Variants in RUNDC3B observed in about 807,000 individuals in gnomAD.
RUNDC3B encodes the protein RUN domain-containing protein 3B.
A neutral mutation model predicts 58.4 loss-of-function variants in RUNDC3B; 33 were observed. The ratio of observed to expected loss-of-function variants is 0.56; its 90% CI spans 0.43 to 0.75. RUNDC3B has a LOEUF of 0.75. Ranked by LOEUF, RUNDC3B falls within the 30% of genes least tolerant of loss-of-function variation. The probability of loss-of-function intolerance (pLI) is 0.00; values close to 1 mark genes in which losing one functional copy is unlikely to be tolerated. For synonymous variants in RUNDC3B, 193 were observed against 195.2 expected (o/e 0.99, Z 0.10); for missense variants, 501 against 535.7 (o/e 0.94, Z 0.64).
chr7:87,814,626 G>C (rs549308308), intron 9 of RUNDC3B, among the ~76,000 whole-genome samples: 34 of 152,194 alleles, frequency 2.2e-4, no homozygotes, highest in Non-Finnish European at 4.7e-4. Flanking sequence ...ATGTAGACAA[G>C]TGCCCAACAT....
chr7:87,755,608 T>C (rs1488161695), intron 6 of RUNDC3B, among the ~76,000 whole-genome samples: 6 of 152,068 alleles, frequency 3.9e-5, no homozygotes, highest in African/African-American at 2.4e-5. Context: ...TAAACATAAA[T>C]AAAGACAAAA....
At position 87,628,587 on chromosome 7, in the gene RUNDC3B, GT is replaced by G; in HGVS notation, c.-236del. 3.3e-4 allele frequency: 4 copies of G among 12,218 alleles called. No homozygotes were observed. The highest frequency in any genetic ancestry group is 1.9e-3 in the East Asian group (1 of 528). The allele number at this position is 12,218 out of a possible 1,614,324, so 0.8% of individuals were successfully genotyped here. A position where few individuals can be genotyped will look rare whatever the true frequency, so the allele number is the denominator to read the frequency against. On this transcript the variant is annotated 5_prime_UTR_variant, in exon 1 of 11. Coordinates refer to ENST00000394654, the MANE Select transcript of RUNDC3B (RefSeq NM_001134405.2). ...GGGCGGAGGTGGTGCGTGCGTGCGTGTGTGTGTGTGTGTGTGTGTGTGTGTG... is the reference window on the plus strand; with the variant it reads ...GGGCGGAGGTGGTGCGTGCGTGCGTGGTGTGTGTGTGTGTGTGTGTGTGTG...
chr7:87,690,584 A>C (rs978752180), intron 2 of RUNDC3B, among the ~76,000 whole-genome samples: 1 of 152,184 alleles, frequency 6.6e-6, no homozygotes, highest in African/African-American at 2.4e-5. Context: ...AAGATGAAAA[A>C]TGCTGTATAA....
Position 87,628,874 on chromosome 7 carries a change from C to T in RUNDC3B, c.51C>T (p.Gly17=), listed in dbSNP as rs1408917228. The change falls in exon 1 of 11, where the codon GGC becomes GGT. Residue 17 remains glycine (G), a synonymous_variant. Transcript: ENST00000394654. ...GGLSGIRGGG[G]GGGKKSLSAR... is the part of the protein sequence containing the mutation. ...TGAGCGGGATCCGCGGCGGTGGCGG[C>T]GGAGGCGGCAAGAAAAGCCTGAGCG... 2.3e-5 allele frequency: 30 copies of T among 1,287,824 alleles called. No homozygotes were observed. The highest frequency in any genetic ancestry group is 2.8e-5 in the Non-Finnish European group (28 of 1,010,448). The allele number at this position is 1,287,824 out of a possible 1,614,324, so 79.8% of individuals were successfully genotyped here.
chr7:87,778,351 G>A (rs1834757539), intron 8 of RUNDC3B, among the ~76,000 whole-genome samples: 2 of 151,042 alleles, frequency 1.3e-5, no homozygotes, highest in Admixed American at 6.6e-5. Flanking sequence ...GCTGAGGCAA[G>A]AGGATCACTT....
intron 4 of RUNDC3B, among the ~76,000 whole-genome samples, chr7:87,722,732 T>G (rs944252315): frequency 6.6e-6 from 1 of 152,212 alleles, no homozygotes; most frequent in Non-Finnish European, 1.5e-5. Flanking sequence ...TTTCTGCTGC[T>G]GGAATCAGTG....
chr7:87,728,537 T>C (rs1584024745), intron 4 of RUNDC3B, among the ~76,000 whole-genome samples: 1 of 152,326 alleles, frequency 6.6e-6, no homozygotes, highest in East Asian at 1.9e-4. Flanking sequence ...TTCTAGAAGA[T>C]GTATGCATTA....
chr7:87,652,508 C>A (rs1180112646), intron 2 of RUNDC3B, among the ~76,000 whole-genome samples: 1 of 151,638 alleles, frequency 6.6e-6, no homozygotes, highest in Non-Finnish European at 1.5e-5. Flanking sequence ...GATAAGAATT[C>A]TACTTGTGTG....
chr7:87,652,408 C>A (rs1359760431), intron 2 of RUNDC3B, among the ~76,000 whole-genome samples: 2 of 151,840 alleles, frequency 1.3e-5, no homozygotes, highest in Admixed American at 1.3e-4. Context: ...ATAGATCACA[C>A]CCCTTCAGAA....
At chr7:87,667,873 C>T (rs28746490) in intron 2 of RUNDC3B, among the ~76,000 whole-genome samples, 2,954 of 152,008 alleles carry the variant, frequency 0.019, 66 homozygotes, top group Non-Finnish European at 0.032. Flanking sequence ...GATGTGCTGC[C>T]AGATTTGGTT....
At chr7:87,804,114 G>T (rs1002675255) in intron 8 of RUNDC3B, among the ~76,000 whole-genome samples, 3 of 152,116 alleles carry the variant, frequency 2.0e-5, no homozygotes, top group Non-Finnish European at 4.4e-5. Flanking sequence ...TTGTATCATT[G>T]TGAACAGAAG....
At chr7:87,826,540 A>G (rs997384840) in intron 10 of RUNDC3B, among the ~76,000 whole-genome samples, 6 of 152,052 alleles carry the variant, frequency 3.9e-5, no homozygotes, top group South Asian at 2.1e-4. Flanking sequence ...GAAAAATGGG[A>G]AAACAACCAA....
At chr7:87,676,237 C>A (rs1453661984) in intron 2 of RUNDC3B, among the ~76,000 whole-genome samples, 1 of 151,852 alleles carries the variant, frequency 6.6e-6, no homozygotes, top group Admixed American at 6.6e-5. Flanking sequence ...AACAAACAAA[C>A]AAACAAACAA....
At chr7:87,784,760 T>G (rs1835115622) in intron 8 of RUNDC3B, among the ~76,000 whole-genome samples, 2 of 119,674 alleles carry the variant, frequency 1.7e-5, no homozygotes, top group African/African-American at 6.2e-5. Context: ...AGGGGGGAGA[T>G]GTTGTTGGGG....
At chr7:87,792,161 A>G (rs1052284312) in intron 8 of RUNDC3B, among the ~76,000 whole-genome samples, 3 of 152,166 alleles carry the variant, frequency 2.0e-5, no homozygotes, top group Non-Finnish European at 4.4e-5. Flanking sequence ...GTAGGGGGCT[A>G]TAATATTTGT....
At chr7:87,693,932 T>G in intron 2 of RUNDC3B, 1 of 1,611,210 alleles carries the variant, frequency 6.2e-7, no homozygotes. Flanking sequence ...TGCAGATGGC[T>G]GGCTCATCTC....
chr7:87,697,877 C>G (rs1230122674), intron 2 of RUNDC3B, among the ~76,000 whole-genome samples: 1 of 152,086 alleles, frequency 6.6e-6, no homozygotes, highest in African/African-American at 2.4e-5. Flanking sequence ...CCACCGGACT[C>G]AAAGCCCATG....
chr7:87,714,906 T>C (rs1830416866), intron 4 of RUNDC3B, among the ~76,000 whole-genome samples: 1 of 152,092 alleles, frequency 6.6e-6, no homozygotes, highest in African/African-American at 2.4e-5. Flanking sequence ...TCATAGGCTC[T>C]CTGCAGGGGG....
At chr7:87,700,796 A>G (rs918314152) in intron 3 of RUNDC3B, among the ~76,000 whole-genome samples, 2 of 152,210 alleles carry the variant, frequency 1.3e-5, no homozygotes, top group Non-Finnish European at 2.9e-5. Flanking sequence ...AATGTCAAAA[A>G]TATTTTTATA....
Sources: allele counts gnomAD v4.1 joint callset (sites outside exome capture counted in the v4.1 genomes callset), GRCh38; gene constraint gnomAD v4.1.1; transcripts MANE v1.5; gene names NCBI Gene and HGNC (gene_info 2026-07-23, HGNC 2026-07-21).